TNIK: variants seen among roughly 807,000 people sequenced by gnomAD.
TNIK encodes the protein TRAF2 and NCK interacting kinase, also known as TRAF2 and NCK-interacting protein kinase.
Under a neutral mutation model 191.3 loss-of-function variants are expected in TNIK, and 49 were observed. The ratio of observed to expected loss-of-function variants is 0.26; its 90% confidence interval spans 0.20 to 0.32. The LOEUF is 0.32. Ranked by LOEUF, TNIK falls within the 10% of genes least tolerant of loss-of-function variation. The pLI, the probability that TNIK is intolerant of heterozygous loss-of-function variation, is 1.00. For synonymous variants in TNIK, 594 were observed against 600.9 expected (o/e 0.99, Z 0.17); for missense variants, 1,155 against 1,702.3 (o/e 0.68, Z 5.66).
chr3:171,444,307 C>A (rs1457360072), intron 1 of TNIK, among the ~76,000 whole-genome samples: 1 of 152,174 alleles, frequency 6.6e-6, no homozygotes, highest in African/African-American at 2.4e-5. Context: ...AAATCTTCAA[C>A]CTGCTGTCTA....
chr3:171,206,907 T>A (rs75121403), intron 4 of TNIK, among the ~76,000 whole-genome samples: 3,651 of 152,260 alleles, frequency 0.024, 138 homozygotes, highest in African/African-American at 0.084. Flanking sequence ...AAAACCAACT[T>A]TTCTATCTGG....
intron 2 of TNIK, among the ~76,000 whole-genome samples, chr3:171,248,668 G>T (rs180701049): frequency 6.6e-6 from 1 of 152,296 alleles, no homozygotes; most frequent in East Asian, 1.9e-4. Context: ...GTACATTTAA[G>T]ATTTTAAAAG....
intron 18 of TNIK, among the ~76,000 whole-genome samples, chr3:171,122,428 C>A (rs1272065029): frequency 6.6e-6 from 1 of 152,130 alleles, no homozygotes; most frequent in Non-Finnish European, 1.5e-5. Flanking sequence ...TTAGCAATAC[C>A]AGCTCAGTGT....
chr3:171,297,433 C>CCAA (rs1427321779), intron 2 of TNIK, among the ~76,000 whole-genome samples: 14 of 152,190 alleles, frequency 9.2e-5, no homozygotes, highest in Non-Finnish European at 2.1e-4. Flanking sequence ...ATAGAAACTG[C>CCAA]TGGTTTCCCT....
At chr3:171,122,061 C>T (rs1279254619) in intron 18 of TNIK, among the ~76,000 whole-genome samples, 2 of 152,212 alleles carry the variant, frequency 1.3e-5, no homozygotes, top group Non-Finnish European at 2.9e-5. Context: ...TTGTAAACCA[C>T]TGACCATCAA....
At chr3:171,070,666 A>G (rs890527031) in intron 29 of TNIK, among the ~76,000 whole-genome samples, 2 of 152,134 alleles carry the variant, frequency 1.3e-5, no homozygotes, top group African/African-American at 4.8e-5. Flanking sequence ...GACCAATCCA[A>G]CCATGGTGGG....
intron 2 of TNIK, among the ~76,000 whole-genome samples, chr3:171,237,333 A>G (rs1222490124): frequency 6.6e-6 from 1 of 152,172 alleles, no homozygotes; most frequent in African/African-American, 2.4e-5. Flanking sequence ...CTAAAGTAAT[A>G]TGGGGGAAAA....
chr3:171,103,469 G>C (rs1051528707), intron 21 of TNIK, among the ~76,000 whole-genome samples: 2 of 152,070 alleles, frequency 1.3e-5, no homozygotes, highest in Non-Finnish European at 2.9e-5. Flanking sequence ...AAATGAAGAA[G>C]AAAGTGAAGG....
chr3:171,357,832 G>A (rs536277876), intron 2 of TNIK, among the ~76,000 whole-genome samples: 11 of 152,282 alleles, frequency 7.2e-5, no homozygotes, highest in African/African-American at 2.6e-4. Flanking sequence ...CAGTGTGCAC[G>A]AATGCCCCGC....
intron 1 of TNIK, 111 bp downstream of exon 1, chr3:171,459,896 G>A (rs1056902539): frequency 2.3e-6 from 3 of 1,310,030 alleles, no homozygotes; most frequent in South Asian, 1.3e-5. Flanking sequence ...CCTCCCCGAC[G>A]CATTCTCCCG....
At chr3:171,167,804 A>T (rs1734787431) in intron 9 of TNIK, among the ~76,000 whole-genome samples, 5 of 152,228 alleles carry the variant, frequency 3.3e-5, no homozygotes, top group Admixed American at 3.3e-4. Context: ...GGTAACAGGG[A>T]GTGCATTTCG....
At chr3:171,313,019 G>A (rs1245861089) in intron 2 of TNIK, among the ~76,000 whole-genome samples, 5 of 151,852 alleles carry the variant, frequency 3.3e-5, no homozygotes, top group South Asian at 2.1e-4. Context: ...GTGCTACGCC[G>A]AATAAGAGAT....
chr3:171,158,836 A>G (rs1004269730), intron 11 of TNIK, among the ~76,000 whole-genome samples: 6 of 152,204 alleles, frequency 3.9e-5, no homozygotes, highest in East Asian at 1.9e-4. Flanking sequence ...GGTCAGAAAG[A>G]CCTCTCTGGG....
At chr3:171,079,470 T>C in intron 28 of TNIK, 48 bp downstream of exon 28, 5 of 1,588,358 alleles carry the variant, frequency 3.1e-6, no homozygotes, top group Non-Finnish European at 4.3e-6. Flanking sequence ...TAAGTAAGTC[T>C]GATTGAGTAA....
At chr3:171,206,161 T>A (rs1039937881) in intron 4 of TNIK, among the ~76,000 whole-genome samples, 18 of 152,124 alleles carry the variant, frequency 1.2e-4, no homozygotes, top group African/African-American at 4.3e-4. Flanking sequence ...AGTACTTTCA[T>A]AAATTTTGTT....
intron 28 of TNIK, among the ~76,000 whole-genome samples, chr3:171,074,526 GAAA>G (rs1167079493): frequency 1.3e-5 from 2 of 148,284 alleles, no homozygotes; most frequent in Non-Finnish European, 3.0e-5. Context: ...AAAAAGAAAA[GAAA>G]AAAAAATCCC....
intron 1 of TNIK, among the ~76,000 whole-genome samples, chr3:171,414,803 A>T (rs1242786075): frequency 1.3e-5 from 2 of 152,248 alleles, no homozygotes; most frequent in East Asian, 1.9e-4. Context: ...TATAATGCAA[A>T]GCAAATCTGT....
At chr3:171,194,700 A>G (rs1738479791) in intron 4 of TNIK, 65 bp from the exon 5 acceptor site, 1 of 1,418,766 alleles carries the variant, frequency 7.0e-7, no homozygotes. Context: ...AAGTTGGGGT[A>G]AGAAAGCACA....
At chr3:171,194,729 A>G in intron 4 of TNIK, 94 bp from the exon 5 acceptor site, 1 of 1,052,822 alleles carries the variant, frequency 9.5e-7, no homozygotes, top group Non-Finnish European at 1.4e-6. Flanking sequence ...GCTGCTTTGG[A>G]ATGCCATTCC....
Sources: allele counts gnomAD v4.1 joint callset (sites outside exome capture counted in the v4.1 genomes callset), GRCh38; gene constraint gnomAD v4.1.1; transcripts MANE v1.5; gene names NCBI Gene and HGNC (gene_info 2026-07-23, HGNC 2026-07-21).